Variants in STMN2 observed in about 807,000 individuals in gnomAD.
The protein encoded by STMN2 is stathmin-2.
STMN2 carries 2 observed loss-of-function variants against 24.1 expected under a neutral mutation model. That is an observed-to-expected ratio of 0.08 (90% CI 0.03 to 0.26). STMN2 has a LOEUF of 0.26. STMN2 is among the 10% of genes least tolerant of loss of function. The pLI is 1.00. For missense variants in STMN2, 114 were observed against 213.6 expected, an observed-to-expected ratio of 0.53 and a Z score of 2.91; for synonymous variants, 83 against 77.5, an observed-to-expected ratio of 1.07 and a Z score of -0.37.
At chr8:79,620,789 G>C (rs942873676) in intron 1 of STMN2, among the ~76,000 whole-genome samples, 2 of 152,170 alleles carry the variant, frequency 1.3e-5, no homozygotes, top group African/African-American at 4.8e-5. Context: ...TAATTAAAAT[G>C]CTTCCCAAAT....
At chr8:79,628,339 T>C (rs1396794600) in intron 1 of STMN2, among the ~76,000 whole-genome samples, 1 of 152,002 alleles carries the variant, frequency 6.6e-6, no homozygotes, top group Non-Finnish European at 1.5e-5. Context: ...AATTTTTGTA[T>C]GTTTAGTAGA....
intron 1 of STMN2, among the ~76,000 whole-genome samples, chr8:79,634,353 C>T (rs1000072842): frequency 2.6e-5 from 4 of 152,178 alleles, no homozygotes; most frequent in African/African-American, 9.7e-5. Context: ...TTGGTTTAGC[C>T]TTCTAAAATT....
At chr8:79,647,313 A>G (rs1413600683) in intron 3 of STMN2, among the ~76,000 whole-genome samples, 1 of 152,216 alleles carries the variant, frequency 6.6e-6, no homozygotes, top group Non-Finnish European at 1.5e-5. Flanking sequence ...AAGTAAATAT[A>G]CAGATAGACA....
chr8:79,653,701 A>T (rs1810383869), intron 3 of STMN2, among the ~76,000 whole-genome samples: 1 of 152,254 alleles, frequency 6.6e-6, no homozygotes, highest in Non-Finnish European at 1.5e-5. Context: ...ATCAGTATTT[A>T]ACAGGGCACT....
intron 3 of STMN2, among the ~76,000 whole-genome samples, chr8:79,642,074 C>A (rs1810112689): frequency 6.6e-6 from 1 of 152,176 alleles, no homozygotes; most frequent in Admixed American, 6.5e-5. Flanking sequence ...GGGCCAAGAG[C>A]TTGCCCCTTT....
At chr8:79,658,738 A>G (rs896941831) in intron 4 of STMN2, among the ~76,000 whole-genome samples, 1 of 152,340 alleles carries the variant, frequency 6.6e-6, no homozygotes, top group South Asian at 2.1e-4. Flanking sequence ...GCATTCAAGC[A>G]TATTTTCACC....
intron 2 of STMN2, among the ~76,000 whole-genome samples, chr8:79,640,984 G>A (rs1024437755): frequency 5.3e-5 from 8 of 152,006 alleles, no homozygotes; most frequent in Non-Finnish European, 1.2e-4. Flanking sequence ...AACCAAAAAG[G>A]GCCTACAGCT....
intron 4 of STMN2, among the ~76,000 whole-genome samples, chr8:79,656,610 C>T (rs1806375430): frequency 6.6e-6 from 1 of 152,174 alleles, no homozygotes; most frequent in Admixed American, 6.5e-5. Context: ...CTCCAGAGAA[C>T]TAAGGATGTT....
At chr8:79,624,231 G>T (rs1809589074) in intron 1 of STMN2, among the ~76,000 whole-genome samples, 1 of 151,950 alleles carries the variant, frequency 6.6e-6, no homozygotes. Context: ...GAGGCGGGCG[G>T]ATCACGAGGT....
chr8:79,634,736 C>T (rs1420989426), intron 1 of STMN2, among the ~76,000 whole-genome samples: 1 of 152,172 alleles, frequency 6.6e-6, no homozygotes, highest in African/African-American at 2.4e-5. Context: ...TAAATAATCT[C>T]TTAGAATAAT....
At chr8:79,656,710 C>T (rs1213950780) in intron 4 of STMN2, among the ~76,000 whole-genome samples, 2 of 152,156 alleles carry the variant, frequency 1.3e-5, no homozygotes, top group Non-Finnish European at 2.9e-5. Flanking sequence ...TTCTCACATC[C>T]TAGGCCCTAA....
In STMN2 at chr8:79,660,784, CT is replaced by C. The variant is rs564148102; in HGVS notation, c.481-4028del. On this transcript the variant is annotated intron_variant, in intron 4 of 4. Transcript: ENST00000220876. ...GTGTACACTGTACCCAATATGTAGT[CT>C]TTCATCCCTCGCCCCCACTCCCAAC... Among the ~76,000 whole-genome samples the C allele has an allele frequency of 1.1e-3, 171 of 152,138 alleles. 1 individual carries two copies. Among genetic ancestry groups the C allele is most frequent in the Admixed American group, 0.01 (155 of 15,266 alleles).
At chr8:79,653,598 C>T (rs532029722) in intron 3 of STMN2, among the ~76,000 whole-genome samples, 2 of 152,268 alleles carry the variant, frequency 1.3e-5, no homozygotes, top group South Asian at 4.2e-4. Flanking sequence ...TTTCTCCAGG[C>T]CCCATATTGT....
At chr8:79,626,180 C>A (rs558418823) in intron 1 of STMN2, among the ~76,000 whole-genome samples, 16 of 152,114 alleles carry the variant, frequency 1.1e-4, no homozygotes, top group Non-Finnish European at 2.4e-4. Context: ...GAGCTCAAAT[C>A]TTCAGTTTCT....
In STMN2 at chr8:79,636,917, C is replaced by T. The variant is rs561497271; in HGVS notation, c.115+20C>T. 23 of 1,601,934 alleles carry T rather than the reference C, an allele frequency of 1.4e-5. 1 individual carries two copies. In the South Asian group the frequency reaches 2.5e-4, roughly 18 times the overall value. ...ACGATGGTGAGTAACCTAGGATAGA[C>T]ATACCCCTGCTAGCTAGATCATTTG... On this transcript the variant is annotated intron_variant, in intron 2 of 4. Transcript: ENST00000220876.
chr8:79,618,521 CTATT>C (rs1207805763), intron 1 of STMN2, among the ~76,000 whole-genome samples: 3 of 152,112 alleles, frequency 2.0e-5, no homozygotes, highest in African/African-American at 7.2e-5. Context: ...TTTAATATAA[CTATT>C]AGATGTTATT....
At chr8:79,660,020 T>TA (rs1806469639) in intron 4 of STMN2, among the ~76,000 whole-genome samples, 1 of 152,192 alleles carries the variant, frequency 6.6e-6, no homozygotes. Context: ...TTAAATTAGA[T>TA]AGTTAAATTT....
intron 1 of STMN2, among the ~76,000 whole-genome samples, chr8:79,624,191 A>G (rs1167483447): frequency 6.6e-6 from 1 of 152,142 alleles, no homozygotes; most frequent in East Asian, 1.9e-4. Context: ...GTGGTGGCTC[A>G]CACCTGTAAT....
At chr8:79,632,067 C>T (rs1443322426) in intron 1 of STMN2, among the ~76,000 whole-genome samples, 1 of 152,164 alleles carries the variant, frequency 6.6e-6, no homozygotes, top group Non-Finnish European at 1.5e-5. Flanking sequence ...CCCTATTTCT[C>T]CCATTAACTG....
Sources: gnomAD v4.1 joint callset for allele counts (sites outside exome capture counted in the v4.1 genomes callset) on GRCh38, gnomAD v4.1.1 for gene constraint, MANE v1.5 for transcripts, NCBI Gene and HGNC (gene_info 2026-07-23, HGNC 2026-07-21) for gene names.